Variants in RASA2 observed in about 807,000 individuals in gnomAD.
The protein encoded by RASA2 is ras GTPase-activating protein 2.
RASA2 carries 155 observed loss-of-function variants against 118.2 expected under a neutral mutation model. That is an observed-to-expected ratio of 1.31 (90% CI 1.15 to 1.50). The LOEUF (loss-of-function observed/expected upper bound fraction) is 1.50. RASA2 is among the 40% of genes most tolerant of loss of function. The probability of loss-of-function intolerance (pLI) is 0.00; values close to 1 mark genes in which losing one functional copy is unlikely to be tolerated. For missense variants in RASA2, 1,016 were observed against 1,009.6 expected (o/e 1.01, Z -0.09); for synonymous variants, 353 against 349.1 (o/e 1.01, Z -0.12).
intron 1 of RASA2, among the ~76,000 whole-genome samples, chr3:141,506,112 A>G (rs2081862356): frequency 1.3e-5 from 2 of 152,246 alleles, no homozygotes; most frequent in South Asian, 4.1e-4. Context: ...GTAAGTCGTA[A>G]TGTACACTAG....
intron 1 of RASA2, 98 bp from the exon 2 acceptor site, chr3:141,512,065 A>C: frequency 1.1e-5 from 8 of 730,822 alleles, no homozygotes; most frequent in Non-Finnish European, 8.9e-6. Context: ...TTTCTGTGCC[A>C]CATTAATATG....
intron 14 of RASA2, among the ~76,000 whole-genome samples, chr3:141,574,379 C>A (rs970878849): frequency 6.6e-6 from 1 of 151,712 alleles, no homozygotes; most frequent in African/African-American, 2.4e-5. Context: ...TTAGTAGAGA[C>A]GGGGTTTCAC....
At chr3:141,552,004 C>G (rs2082582183) in intron 5 of RASA2, among the ~76,000 whole-genome samples, 2 of 151,938 alleles carry the variant, frequency 1.3e-5, no homozygotes, top group Non-Finnish European at 1.5e-5. Flanking sequence ...AATAATATTT[C>G]CAAATATATG....
intron 9 of RASA2, among the ~76,000 whole-genome samples, chr3:141,569,166 A>G (rs1349157315): frequency 1.3e-5 from 2 of 152,220 alleles, no homozygotes; most frequent in African/African-American, 4.8e-5. Context: ...ATTGAAGAAT[A>G]AGAATACAGT....
intron 23 of RASA2, among the ~76,000 whole-genome samples, chr3:141,611,183 G>A (rs2083646060): frequency 6.6e-6 from 1 of 152,160 alleles, no homozygotes. Context: ...TCTACAGTTG[G>A]TTAATTCAGC....
intron 19 of RASA2, among the ~76,000 whole-genome samples, chr3:141,605,753 T>C (rs2083537915): frequency 6.6e-6 from 1 of 150,466 alleles, no homozygotes. Context: ...CCTTAACTGG[T>C]GATTTTTTTT....
intron 1 of RASA2, among the ~76,000 whole-genome samples, chr3:141,487,616 C>T (rs560725845): frequency 2.0e-5 from 3 of 151,850 alleles, no homozygotes; most frequent in South Asian, 2.1e-4. Flanking sequence ...GCTGCGGGCG[C>T]TGGGGAGTGG....
intron 19 of RASA2, among the ~76,000 whole-genome samples, chr3:141,588,488 GT>G (rs2083240633): frequency 1.3e-5 from 2 of 152,164 alleles, no homozygotes; most frequent in African/African-American, 4.8e-5. Flanking sequence ...TGGAGAGTCT[GT>G]TAATCTATCA....
At chr3:141,603,537 C>CTCCA (rs1304657123) in intron 19 of RASA2, among the ~76,000 whole-genome samples, 4 of 152,004 alleles carry the variant, frequency 2.6e-5, no homozygotes, top group Non-Finnish European at 5.9e-5. Flanking sequence ...TGCCATTGTA[C>CTCCA]TCCAGCCTGG....
rs1161087130 is a variant in RASA2, at chr3:141,559,970, A to C, written c.838A>C (p.Arg280=). 6.2e-7 allele frequency: 1 copy of C among 1,613,106 alleles called. No individual in the cohort carries two copies. Among genetic ancestry groups the C allele is most frequent in the African/African-American group, 1.3e-5 (1 of 74,908 alleles). ...GEIKVPVNVL[R]TDSSHQAWYL... ...GATTAAGGTTCCTGTGAACGTATTA[A>C]GAACTGATTCCTCTCATCAAGCCTG... Residue 280 remains arginine (R), a synonymous_variant, in exon 9 of 24, where the codon AGA becomes CGA. Coordinates refer to ENST00000286364, the MANE Select transcript of RASA2 (RefSeq NM_006506.5).
At chr3:141,549,912 G>T (rs907021495) in intron 5 of RASA2, among the ~76,000 whole-genome samples, 1 of 152,110 alleles carries the variant, frequency 6.6e-6, no homozygotes, top group African/African-American at 2.4e-5. Context: ...ACCAAATCTG[G>T]AACAATTTGA....
intron 5 of RASA2, among the ~76,000 whole-genome samples, chr3:141,553,374 G>A (rs9850416): frequency 0.28 from 43,045 of 151,856 alleles, 6,398 homozygotes; most frequent in Non-Finnish European, 0.32. Context: ...TGTGTTGACT[G>A]TTACACATCC....
intron 15 of RASA2, among the ~76,000 whole-genome samples, chr3:141,579,282 G>T (rs2035936): frequency 0.064 from 9,803 of 152,170 alleles, 683 homozygotes; most frequent in East Asian, 0.24. Context: ...ACAAATGTAT[G>T]GATTGGTGAA....
At chr3:141,509,782 C>T (rs2081922955) in intron 1 of RASA2, among the ~76,000 whole-genome samples, 1 of 152,082 alleles carries the variant, frequency 6.6e-6, no homozygotes, top group Non-Finnish European at 1.5e-5. Context: ...AATAACTAGT[C>T]TTTGGAGGAA....
chr3:141,501,071 A>C (rs1292989765), intron 1 of RASA2, among the ~76,000 whole-genome samples: 1 of 152,182 alleles, frequency 6.6e-6, no homozygotes, highest in Non-Finnish European at 1.5e-5. Context: ...AGAAACCAGA[A>C]ATACAAATTT....
rs561822234 is a variant in RASA2, at chr3:141,598,589, T to C, written c.1934-9089T>C. 2.0e-5 allele frequency among the ~76,000 whole-genome samples: 3 copies of C among 152,350 alleles called. No individual in the cohort carries two copies. The South Asian group carries it at 6.2e-4, about 32-fold the overall frequency. ...GAAATAAAAGGCATATAGTGTTATA[T>C]TGAAACTCCTGAAGAATCCTCAGAA... On this transcript the variant is annotated intron_variant, in intron 19 of 23. Coordinates refer to ENST00000286364, the MANE Select transcript of RASA2 (RefSeq NM_006506.5).
At chr3:141,563,553 G>T (rs2082770044) in intron 9 of RASA2, among the ~76,000 whole-genome samples, 2 of 152,030 alleles carry the variant, frequency 1.3e-5, no homozygotes, top group African/African-American at 4.8e-5. Context: ...TGTTATATGT[G>T]TAACATTTAC....
At chr3:141,577,618 A>C (rs924592030) in intron 15 of RASA2, among the ~76,000 whole-genome samples, 2 of 152,190 alleles carry the variant, frequency 1.3e-5, no homozygotes, top group Non-Finnish European at 2.9e-5. Flanking sequence ...AGTAGCAATG[A>C]AACTGAAAGC....
Position 141,529,775 on chromosome 3 carries a change from G to T in RASA2, c.423G>T (p.Gln141His), listed in dbSNP as rs1199211004. The T allele has an allele frequency of 1.9e-6, 3 of 1,610,572 alleles. No individual in the cohort carries two copies. In the African/African-American group the frequency reaches 4.0e-5, roughly 22 times the overall value. ...GCAAAGAAACTTGGTTTTCATTACA[G>T]CCTGTTGACTCCAATTCAGAGGTTC... is the stretch of plus-strand genomic sequence containing the variant. ...HSGKETWFSL[Q>H]PVDSNSEVQG... The change falls in exon 4 of 24, where the codon CAG (glutamine) becomes CAT (histidine). Residue 141 changes from glutamine (Q) to histidine (H), a missense_variant. Around this residue, in one of 2 missense-constraint regions of RASA2, gnomAD observed 896 missense variants for 836.4 expected, o/e 1.07. Coordinates refer to ENST00000286364, the MANE Select transcript of RASA2 (RefSeq NM_006506.5).
Sources: allele counts gnomAD v4.1 joint callset (sites outside exome capture counted in the v4.1 genomes callset), GRCh38; gene constraint gnomAD v4.1.1; regional missense constraint gnomAD v4.1.1; transcripts MANE v1.5; gene names NCBI Gene and HGNC (gene_info 2026-07-23, HGNC 2026-07-21).